Variants in TTC34 observed in about 807,000 individuals in gnomAD.
The protein encoded by TTC34 is tetratricopeptide repeat domain 34.
A neutral mutation model predicts 40.7 loss-of-function variants in TTC34; 44 were observed. The ratio of observed to expected loss-of-function variants is 1.08; its 90% CI spans 0.85 to 1.39. The LOEUF is 1.39. Ranked by LOEUF, TTC34 falls within the 40% of genes most tolerant of loss-of-function variation. The pLI, the probability that TTC34 is intolerant of heterozygous loss-of-function variation, is 0.00. For missense variants in TTC34, 884 were observed against 838.0 expected, an observed-to-expected ratio of 1.05 and a Z score of -0.68; for synonymous variants, 422 against 398.6, an observed-to-expected ratio of 1.06 and a Z score of -0.70.
intron 8 of TTC34, among the ~76,000 whole-genome samples, chr1:2,642,443 C>T (rs1290140176): frequency 6.6e-6 from 1 of 152,162 alleles, no homozygotes; most frequent in Non-Finnish European, 1.5e-5. Context: ...GCCCCTCTCC[C>T]TGGGGCTGCT....
chr1:2,752,335 A>T (rs1241644423), intron 6 of TTC34, among the ~76,000 whole-genome samples: 13 of 122,048 alleles, frequency 1.1e-4, no homozygotes, highest in South Asian at 2.9e-4. Context: ...GCACACCCCC[A>T]GGTGAGCATC....
chr1:2,686,971 C>G (rs1306569685), intron 6 of TTC34, among the ~76,000 whole-genome samples: 1 of 126,704 alleles, frequency 7.9e-6, no homozygotes, highest in East Asian at 2.5e-4. Flanking sequence ...CACTGCCAGG[C>G]GAGCATCCGC....
At chr1:2,784,390 C>T (rs1004141618) in intron 5 of TTC34, among the ~76,000 whole-genome samples, 4 of 152,302 alleles carry the variant, frequency 2.6e-5, no homozygotes, top group East Asian at 3.9e-4. Context: ...GGACAAGGAA[C>T]GTGACCATTG....
At chr1:2,793,336 A>C (rs1643682324) in intron 2 of TTC34, among the ~76,000 whole-genome samples, 1 of 151,804 alleles carries the variant, frequency 6.6e-6, no homozygotes, top group African/African-American at 2.4e-5. Flanking sequence ...CTTGTATTGA[A>C]TTTTTTTTCT....
rs1643635055 is a variant in TTC34, at chr1:2,789,485, G to GC, written c.1628+17dup. ...CCGCAGGAAGCAGCGGCCCCAGCGT[G>GC]CCCGGGCGGGTCCTCACCCCTCCTG... On this transcript the variant is annotated intron_variant, in intron 3 of 8. Transcript: ENST00000401095. 6.6e-7 allele frequency: 1 copy of GC among 1,505,562 alleles called. No individual in the cohort carries two copies. The highest frequency in any genetic ancestry group is 1.2e-5 in the South Asian group (1 of 81,864). The allele number at this position is 1,505,562 out of a possible 1,614,324, so 93.3% of individuals were successfully genotyped here.
In TTC34 at chr1:2,681,607, C is replaced by T. The variant is rs546548314; in HGVS notation, c.2227-36044G>A. On this transcript the variant is annotated intron_variant, in intron 6 of 8. Coordinates refer to ENST00000401095, the Ensembl canonical transcript of TTC34. ...ACACCCACAGGTGAGCATCAGACAGCCTGGAACCGCAGCCACACCCCCAGC... is the reference window on the plus strand; with the variant it reads ...ACACCCACAGGTGAGCATCAGACAGTCTGGAACCGCAGCCACACCCCCAGC... Among the ~76,000 whole-genome samples the T allele has an allele frequency of 2.1e-3, 140 of 66,186 alleles. 37 individuals carry two copies. Among genetic ancestry groups the T allele is most frequent in the African/African-American group, 6.3e-3 (113 of 18,060 alleles). 43.4% of individuals were successfully genotyped at this position (66,186 alleles called of 152,430 possible).
At chr1:2,698,733 G>A (rs1229976558) in intron 6 of TTC34, among the ~76,000 whole-genome samples, 1 of 139,414 alleles carries the variant, frequency 7.2e-6, no homozygotes, top group Non-Finnish European at 1.6e-5. Flanking sequence ...AACAACCCCA[G>A]GCTTGCATCC....
chr1:2,647,098 T>C (rs778309164), intron 6 of TTC34, among the ~76,000 whole-genome samples: 4 of 152,184 alleles, frequency 2.6e-5, no homozygotes, highest in Non-Finnish European at 5.9e-5. Flanking sequence ...TCTTTTTTTT[T>C]CAGGAACTTG....
chr1:2,759,869 A>ATCTGACAGC (rs1641636552), intron 6 of TTC34, among the ~76,000 whole-genome samples: 1 of 87,660 alleles, frequency 1.1e-5, no homozygotes. Context: ...AGCCTGGAGT[A>ATCTGACAGC]GTATCCTGCA....
At chr1:2,795,011 A>C (rs1557694074) in intron 2 of TTC34, among the ~76,000 whole-genome samples, 1 of 152,090 alleles carries the variant, frequency 6.6e-6, no homozygotes, top group South Asian at 2.1e-4. Context: ...CTATTCCTGC[A>C]TAACCATCCA....
At chr1:2,754,155 A>C in intron 6 of TTC34, among the ~76,000 whole-genome samples, 1 of 34,234 alleles carries the variant, frequency 2.9e-5, no homozygotes, top group Non-Finnish European at 4.6e-5. Context: ...TGCGCATCTG[A>C]TGGTCTGGAG....
chr1:2,657,386 G>A (rs1284362272), intron 6 of TTC34, among the ~76,000 whole-genome samples: 8 of 94,552 alleles, frequency 8.5e-5, no homozygotes, highest in Non-Finnish European at 2.2e-4. Flanking sequence ...CACACCCCGA[G>A]GTGAGCATCT....
chr1:2,657,485 G>C (rs1157086318), intron 6 of TTC34, among the ~76,000 whole-genome samples: 1 of 94,988 alleles, frequency 1.1e-5, no homozygotes, highest in African/African-American at 3.2e-5. Context: ...CTGACCGAAC[G>C]GAGCAGCACC....
chr1:2,650,698 C>T (rs1187776519), intron 6 of TTC34, among the ~76,000 whole-genome samples: 1 of 151,262 alleles, frequency 6.6e-6, no homozygotes, highest in Non-Finnish European at 1.5e-5. Flanking sequence ...GGGAACAGCA[C>T]CTCACACCCA....
At chr1:2,767,757 C>A (rs1022258041) in intron 6 of TTC34, among the ~76,000 whole-genome samples, 1 of 141,216 alleles carries the variant, frequency 7.1e-6, no homozygotes, top group Admixed American at 7.2e-5. Flanking sequence ...AATAAAGCAG[C>A]ACCCTGCACC....
chr1:2,688,293 A>G (rs1640464066), intron 6 of TTC34, among the ~76,000 whole-genome samples: 1 of 121,422 alleles, frequency 8.2e-6, no homozygotes, highest in Admixed American at 9.2e-5. Context: ...CCACACTCCC[A>G]GGCGAGCATC....
At chr1:2,683,496 TGGA>T (rs1640174646) in intron 6 of TTC34, among the ~76,000 whole-genome samples, 1 of 144,698 alleles carries the variant, frequency 6.9e-6, no homozygotes, top group Admixed American at 7.0e-5. Flanking sequence ...TCTGACAGCC[TGGA>T]ACGGCACCCA....
At chr1:2,768,218 G>A (rs1440173672) in intron 6 of TTC34, among the ~76,000 whole-genome samples, 5 of 151,578 alleles carry the variant, frequency 3.3e-5, no homozygotes, top group South Asian at 2.1e-4. Context: ...CCTGGGTGAG[G>A]ATGCTCACCT....
At chr1:2,658,088 G>A (rs112368969) in intron 6 of TTC34, among the ~76,000 whole-genome samples, 3,439 of 112,374 alleles carry the variant, frequency 0.031, 24 homozygotes, top group Middle Eastern at 0.043. Context: ...CTGACAGCCC[G>A]GAGCAGTGAC....
Sources: allele counts gnomAD v4.1 joint callset (sites outside exome capture counted in the v4.1 genomes callset), GRCh38; gene constraint gnomAD v4.1.1; transcripts MANE v1.5; gene names NCBI Gene and HGNC (gene_info 2026-07-23, HGNC 2026-07-21).